Variants in STARD13 observed in about 807,000 individuals in gnomAD.
STARD13 encodes StAR related lipid transfer domain containing 13, also known as stAR-related lipid transfer protein 13.
STARD13 carries 62 observed loss-of-function variants against 106.4 expected under a neutral mutation model. The observed-to-expected ratio is 0.58, with a 90% CI of 0.48 to 0.72. The LOEUF is 0.72. STARD13 is among the 30% of genes least tolerant of loss of function. The pLI is 0.00. For missense variants in STARD13, 1,387 were observed against 1,424.0 expected, an observed-to-expected ratio of 0.97 and a Z score of 0.42; for synonymous variants, 565 against 553.0, an observed-to-expected ratio of 1.02 and a Z score of -0.31.
chr13:33,676,012 T>C, the STARD13 span, among the ~76,000 whole-genome samples: 1 of 152,226 alleles, frequency 6.6e-6, no homozygotes, highest in South Asian at 2.1e-4. Flanking sequence ...GCCTTCTATA[T>C]TGTTGAACTT....
At chr13:33,270,646 C>A (rs1307043881) in intron 1 of STARD13, among the ~76,000 whole-genome samples, 1 of 152,154 alleles carries the variant, frequency 6.6e-6, no homozygotes, top group Admixed American at 6.5e-5. Context: ...CCTCCCGTAC[C>A]CAGATTTCCC....
downstream of STARD13, among the ~76,000 whole-genome samples, chr13:33,346,797 T>C (rs1469902573): frequency 6.6e-6 from 1 of 151,196 alleles, no homozygotes; most frequent in East Asian, 1.9e-4. Flanking sequence ...GACAGGCTAA[T>C]TTTTTTGTAT....
At chr13:33,401,493 G>C in the STARD13 span, among the ~76,000 whole-genome samples, 1 of 152,184 alleles carries the variant, frequency 6.6e-6, no homozygotes, top group Non-Finnish European at 1.5e-5. Flanking sequence ...GCCTGTCACT[G>C]AGAGCCTGAG....
chr13:33,419,859 C>T, the STARD13 span, among the ~76,000 whole-genome samples: 1 of 152,258 alleles, frequency 6.6e-6, no homozygotes, highest in African/African-American at 2.4e-5. Context: ...CCAAACTAAG[C>T]TTCATAAGTG....
At chr13:33,119,385 A>C (rs1875908841) in intron 7 of STARD13, among the ~76,000 whole-genome samples, 1 of 152,156 alleles carries the variant, frequency 6.6e-6, no homozygotes, top group Non-Finnish European at 1.5e-5. Context: ...GACAGTGGCC[A>C]CTAGTGTCAG....
chr13:33,228,439 T>C (rs2138201002), intron 1 of STARD13, among the ~76,000 whole-genome samples: 1 of 148,568 alleles, frequency 6.7e-6, no homozygotes, highest in East Asian at 1.9e-4. Flanking sequence ...TCATTTACAG[T>C]GTTTTTTTTT....
chr13:33,106,717 T>G (rs642899), intron 13 of STARD13, 41 bp downstream of exon 13: 364,766 of 1,540,296 alleles, frequency 0.24, 44,564 homozygotes, highest in South Asian at 0.3. Flanking sequence ...AAGCTGAGAC[T>G]CCCAAGATCT....
At chr13:33,542,128 A>T in the STARD13 span, among the ~76,000 whole-genome samples, 1 of 152,332 alleles carries the variant, frequency 6.6e-6, no homozygotes, top group African/African-American at 2.4e-5. Flanking sequence ...AATAATTTGA[A>T]AATGTTTTTG....
the STARD13 span, among the ~76,000 whole-genome samples, chr13:33,407,300 C>A: frequency 6.6e-6 from 1 of 152,194 alleles, no homozygotes; most frequent in East Asian, 1.9e-4. Context: ...TGGCCATGTT[C>A]ACAGTCATTG....
chr13:33,363,630 C>T, the STARD13 span, among the ~76,000 whole-genome samples: 1 of 152,216 alleles, frequency 6.6e-6, no homozygotes, highest in South Asian at 2.1e-4. Flanking sequence ...ATGCACCACA[C>T]TCTCTGCCTC....
At chr13:33,136,829 C>T (rs1879122919) in intron 4 of STARD13, among the ~76,000 whole-genome samples, 1 of 152,182 alleles carries the variant, frequency 6.6e-6, no homozygotes, top group Admixed American at 6.5e-5. Context: ...GGACAAGAAC[C>T]TGGGACCTAC....
chr13:33,174,119 G>A (rs1313244056), intron 1 of STARD13, among the ~76,000 whole-genome samples: 1 of 152,084 alleles, frequency 6.6e-6, no homozygotes, highest in Non-Finnish European at 1.5e-5. Context: ...ATAAACCTAA[G>A]CAGGTTTATT....
chr13:33,125,995 G>C (rs1245241309), intron 7 of STARD13, 86 bp downstream of exon 7: 16 of 1,470,878 alleles, frequency 1.1e-5, no homozygotes, highest in Non-Finnish European at 1.5e-5. Flanking sequence ...CCTGATATTG[G>C]GCAGATCTGA....
the STARD13 span, among the ~76,000 whole-genome samples, chr13:33,670,749 G>T: frequency 0.023 from 3,433 of 152,172 alleles, 69 homozygotes; most frequent in Non-Finnish European, 0.037. Flanking sequence ...CCCCTCCCCC[G>T]AGTTGCTTAT....
At chr13:33,464,753 G>T in the STARD13 span, among the ~76,000 whole-genome samples, 1 of 152,164 alleles carries the variant, frequency 6.6e-6, no homozygotes, top group African/African-American at 2.4e-5. Context: ...GGAGGCTGAG[G>T]TGGGAGAATC....
the STARD13 span, among the ~76,000 whole-genome samples, chr13:33,478,752 C>CA: frequency 6.6e-6 from 1 of 151,968 alleles, no homozygotes; most frequent in African/African-American, 2.4e-5. Flanking sequence ...CTCATCTCTA[C>CA]AAAAAATAGA....
the STARD13 span, among the ~76,000 whole-genome samples, chr13:33,388,882 GCTCCTAGTAC>G: frequency 6.6e-6 from 1 of 152,024 alleles, no homozygotes; most frequent in African/African-American, 2.4e-5. Context: ...AGTGTCCTGA[GCTCCTAGTAC>G]CTCGCTGACT....
At chr13:33,173,850 T>C (rs977176822) in intron 1 of STARD13, among the ~76,000 whole-genome samples, 1 of 152,200 alleles carries the variant, frequency 6.6e-6, no homozygotes, top group African/African-American at 2.4e-5. Flanking sequence ...AGAGGAAACC[T>C]GGAAGACCCG....
At chr13:33,186,543 C>G (rs2138481420) in intron 1 of STARD13, among the ~76,000 whole-genome samples, 1 of 152,288 alleles carries the variant, frequency 6.6e-6, no homozygotes, top group East Asian at 1.9e-4. Context: ...GACTTCCTTC[C>G]TTTTCCTCGG....
Sources: allele counts gnomAD v4.1 joint callset (sites outside exome capture counted in the v4.1 genomes callset), GRCh38; gene constraint gnomAD v4.1.1; transcripts MANE v1.5; gene names NCBI Gene and HGNC (gene_info 2026-07-23, HGNC 2026-07-21).